Variants in PLEKHG6 observed in about 807,000 individuals in gnomAD.
PLEKHG6 encodes the protein pleckstrin homology domain-containing family G member 6.
Under a neutral mutation model 97.5 loss-of-function variants are expected in PLEKHG6, and 91 were observed. That is an observed-to-expected ratio of 0.93 (90% confidence interval 0.79 to 1.11). The LOEUF (loss-of-function observed/expected upper bound fraction) is 1.11, where lower values mean the gene tolerates loss of function less well. Ranked by LOEUF, PLEKHG6 falls within the 50% of genes most tolerant of loss-of-function variation. The probability of loss-of-function intolerance (pLI) is 0.00; values close to 1 mark genes in which losing one functional copy is unlikely to be tolerated. For synonymous variants in PLEKHG6, 466 were observed against 425.5 expected, an observed-to-expected ratio of 1.10 and a Z score of -1.17; for missense variants, 1,044 against 1,031.0, an observed-to-expected ratio of 1.01 and a Z score of -0.17.
At chr12:6,317,744 G>T (rs1281669952) in intron 9 of PLEKHG6, 48 bp downstream of exon 9, 2 of 1,600,998 alleles carry the variant, frequency 1.2e-6, no homozygotes, top group Non-Finnish European at 1.7e-6. Flanking sequence ...GGGACTGGGA[G>T]GGGGGTCTCT....
chr12:6,327,778 C>G lies in PLEKHG6; in HGVS notation c.2195C>G (p.Pro732Arg). The change falls in exon 15 of 16, where the codon CCA becomes CGA. Residue 732 changes from proline to arginine, a missense_variant. By Grantham distance (103) the Pro-to-Arg change is moderately radical. Transcript: ENST00000684764. ...AAAGCTGGCCACACATCCCTGCGCC[C>G]AATGCGGGCTGAGGACATGCTCAGA... is the stretch of plus-strand genomic sequence containing the variant. ...FLKAGHTSLR[P>R]MRAEDMLREI... is the part of the protein sequence containing the mutation. 6.5e-7 allele frequency: 1 copy of G among 1,530,352 alleles called. No individual in the cohort carries two copies. Among genetic ancestry groups the G allele is most frequent in the East Asian group, 2.3e-5 (1 of 44,220 alleles). The allele number at this position is 1,530,352 out of a possible 1,614,324, so 94.8% of individuals were successfully genotyped here.
chr12:6,317,691 G>A lies in PLEKHG6; in HGVS notation c.1012G>A (p.Ala338Thr). 1.2e-6 allele frequency: 2 copies of A among 1,613,294 alleles called. No individual in the cohort carries two copies. The highest frequency in any genetic ancestry group is 1.7e-6 in the Non-Finnish European group (2 of 1,179,930). Reference protein sequence around the residue: ...PEARAQEALNAMIEAVESFLR... With the variant: ...PEARAQEALNTMIEAVESFLR... ...GGCACGAGCCCAAGAGGCCCTGAAT[G>A]CCATGGTAGGTGCCCCAGTGGGGCT... The change falls in exon 9 of 16, where the codon GCC (alanine) becomes ACC (threonine). Residue 338 changes from alanine (A) to threonine (T), a missense_variant. Ala to Thr is a moderately conservative substitution (Grantham distance 58, BLOSUM62 0). Transcript: ENST00000684764.
Position 6,315,043 on chromosome 12 carries a change from C to G in PLEKHG6, c.333C>G (p.His111Gln). 6.2e-7 allele frequency: 1 copy of G among 1,613,958 alleles called. No individual in the cohort carries two copies. Among genetic ancestry groups the G allele is most frequent in the Non-Finnish European group, 8.5e-7 (1 of 1,180,032 alleles). The change falls in exon 4 of 16, where the codon CAC becomes CAG. Residue 111 changes from histidine (H) to glutamine (Q), a missense_variant. Coordinates refer to ENST00000684764, the MANE Select transcript of PLEKHG6 (RefSeq NM_001384598.1). This position sits in a 1 kb window ranked among gnomAD's most constrained non-coding sequence, Gnocchi z 4.5. ...TKAHELEVRL[H>Q]TFSMFGMPRL... The stretch of plus-strand genomic sequence containing the variant: ...CCCATGAGCTGGAGGTGAGGCTGCA[C>G]ACTTTCAGCATGTTTGGGATGCCCC...
chr12:6,314,113 T>C (rs1947366308), intron 3 of PLEKHG6, among the ~76,000 whole-genome samples: 1 of 152,200 alleles, frequency 6.6e-6, no homozygotes, highest in East Asian at 1.9e-4. Flanking sequence ...CATCCTTCAC[T>C]GCCACTGTGA....
chr12:6,318,756 C>T lies in PLEKHG6; in HGVS notation c.1287C>T (p.Tyr429=). 1.9e-6 allele frequency: 3 copies of T among 1,614,040 alleles called. No homozygotes were observed. Among genetic ancestry groups the T allele is most frequent in the Non-Finnish European group, 2.5e-6 (3 of 1,179,944 alleles). ...GCCCCCACCCCCAGCTGGACGTGTA[C>T]CTGTTCCTCTTCTCTGATGTGCTCC... ...KEGREGKLDV[Y]LFLFSDVLLV... is the part of the protein sequence containing the mutation. The change falls in exon 12 of 16, where the codon TAC becomes TAT. Residue 429 remains tyrosine (Y), a synonymous_variant. Coordinates refer to ENST00000684764, the MANE Select transcript of PLEKHG6 (RefSeq NM_001384598.1).
Position 6,317,423 on chromosome 12 carries a change from G to A in PLEKHG6, c.867+10G>A, listed in dbSNP as rs1251161982. The stretch of plus-strand genomic sequence containing the variant: ...CCATGCCTTCGTGCAGGTGGGAGAA[G>A]GGGTGCTGGGGAGGGGGACGGGTGC... On this transcript the variant is annotated intron_variant, in intron 8 of 15. Transcript: ENST00000684764. 1 of 1,611,468 alleles carries A rather than the reference G, an allele frequency of 6.2e-7. No individual in the cohort carries two copies. The highest frequency in any genetic ancestry group is 2.2e-5 in the East Asian group (1 of 44,892).
chr12:6,321,990 G>T (rs781101017), intron 13 of PLEKHG6, among the ~76,000 whole-genome samples: 1 of 151,872 alleles, frequency 6.6e-6, no homozygotes, highest in Non-Finnish European at 1.5e-5. Flanking sequence ...CTTCAATTTC[G>T]TCATCTGCAA....
At chr12:6,313,203 C>G (rs1947333626) in intron 2 of PLEKHG6, 1 of 1,547,164 alleles carries the variant, frequency 6.5e-7, no homozygotes, top group Admixed American at 2.0e-5. Flanking sequence ...GCCCTCGTCC[C>G]CATGTGTGAG....
intron 3 of PLEKHG6, among the ~76,000 whole-genome samples, chr12:6,314,134 T>C (rs1345127462): frequency 1.3e-5 from 2 of 152,138 alleles, no homozygotes; most frequent in African/African-American, 2.4e-5. Context: ...GCCTCACCTC[T>C]CCTCCCAAGC....
At chr12:6,322,655 A>C (rs1947739461) in intron 13 of PLEKHG6, among the ~76,000 whole-genome samples, 1 of 152,204 alleles carries the variant, frequency 6.6e-6, no homozygotes, top group Admixed American at 6.5e-5. Context: ...TGAGGCAGGC[A>C]GATGGCTTGA....
rs1268275346 is a variant in PLEKHG6, at chr12:6,317,749, G to T, written c.1017+53G>T. ...TGGTGAATCGGGGACTGGGAGGGGG[G>T]TCTCTTTCTTAGTGTGTCTGTGACA... is the stretch of plus-strand genomic sequence containing the variant. On this transcript the variant is annotated intron_variant, in intron 9 of 15. Coordinates refer to ENST00000684764, the MANE Select transcript of PLEKHG6 (RefSeq NM_001384598.1). 13 of 1,599,028 alleles carry T rather than the reference G, an allele frequency of 8.1e-6. No homozygotes were observed. The East Asian group carries it at 9.0e-5, about 11-fold the overall frequency.
In PLEKHG6 at chr12:6,316,418, A is replaced by G. The variant is rs773754534; in HGVS notation, c.756+14A>G. 7.0e-6 allele frequency: 11 copies of G among 1,562,718 alleles called. No homozygotes were observed. The Admixed American group carries it at 2.1e-4, about 30-fold the overall frequency. On this transcript the variant is annotated intron_variant, in intron 7 of 15. Transcript: ENST00000684764. The surrounding 1 kb of genome is among the most constrained non-coding windows in gnomAD (Gnocchi z 4.1). The stretch of plus-strand genomic sequence containing the variant: ...GGCTTCCTGACGGTGAGGCCTGTGA[A>G]GGGCTGTGTCTGGATGGGGCAGGAC...
chr12:6,319,171 A>T, intron 13 of PLEKHG6, 63 bp downstream of exon 13: 1 of 1,062,296 alleles, frequency 9.4e-7, no homozygotes, highest in Non-Finnish European at 1.4e-6. Context: ...AAATGGGAGC[A>T]CAGTGGTGGA....
chr12:6,316,116 C>A lies in PLEKHG6; in HGVS notation c.607-139C>A. The A allele has an allele frequency of 1.1e-6, 1 of 947,892 alleles. No homozygotes were observed. The highest frequency in any genetic ancestry group is 1.5e-6 in the Non-Finnish European group (1 of 646,560). 58.7% of individuals were successfully genotyped at this position (947,892 alleles called of 1,614,324 possible). A position where few individuals can be genotyped will look rare whatever the true frequency, so the allele number is the denominator to read the frequency against. On this transcript the variant is annotated intron_variant, in intron 6 of 15. Transcript: ENST00000684764. The surrounding 1 kb of genome is among the most constrained non-coding windows in gnomAD (Gnocchi z 4.1). ...TTTCTCAGACTGACATCCTTGAGAT[C>A]TTCCAGGCCCAGTGCCCAGTTCATC...
chr12:6,325,160 T>G (rs1418051096), intron 13 of PLEKHG6, among the ~76,000 whole-genome samples: 1 of 152,110 alleles, frequency 6.6e-6, no homozygotes, highest in African/African-American at 2.4e-5. Flanking sequence ...CTCTGCCACC[T>G]TCTCTTCCCT....
At chr12:6,322,220 G>GT (rs765866481) in intron 13 of PLEKHG6, among the ~76,000 whole-genome samples, 2 of 152,214 alleles carry the variant, frequency 1.3e-5, no homozygotes, top group Non-Finnish European at 2.9e-5. Flanking sequence ...AGGGAAATGT[G>GT]TTTGTTTAGT....
rs1178751683 is a variant in PLEKHG6 at position 6,316,943 on chromosome 12, A to G, written c.757-360A>G. On this transcript the variant is annotated intron_variant, in intron 7 of 15. Transcript: ENST00000684764. The surrounding 1 kb of genome is among the most constrained non-coding windows in gnomAD (Gnocchi z 4.1). ...GAGCAAGGCTTCTGAGCCAACTCTT[A>G]GGTCGCCACCCCACCCCCAGGGTGA... 2.6e-5 allele frequency among the ~76,000 whole-genome samples: 4 copies of G among 152,270 alleles called. No homozygotes were observed. The East Asian group carries it at 7.7e-4, about 29-fold the overall frequency.
intron 1 of PLEKHG6, 66 bp from the exon 2 acceptor site, chr12:6,312,093 G>T (rs1291920505): frequency 8.9e-6 from 6 of 675,152 alleles, no homozygotes; most frequent in Admixed American, 3.6e-5. Context: ...TACCAGCCTT[G>T]GTCTCCCGCC....
At position 6,326,524 on chromosome 12, in the gene PLEKHG6, A is replaced by AGGC. The variant is rs1947861607; in HGVS notation, c.1622_1624dup (p.Arg541dup). On this transcript the variant is annotated inframe_insertion, in exon 14 of 16. Coordinates refer to ENST00000684764, the MANE Select transcript of PLEKHG6 (RefSeq NM_001384598.1). Reference sequence around the variant, plus strand: ...CCAGGACAGGGAGTCCCCCAGCACCAGGCCCTCCACGCCTTCCCTGGAGGG... The same window carrying AGGC: ...CCAGGACAGGGAGTCCCCCAGCACCAGGCGGCCCTCCACGCCTTCCCTGGAGGG... The AGGC allele has an allele frequency of 3.8e-6, 6 of 1,593,542 alleles. No homozygotes were observed. In the East Asian group the frequency reaches 1.4e-4, roughly 36 times the overall value.
Sources: allele counts gnomAD v4.1 joint callset (sites outside exome capture counted in the v4.1 genomes callset), GRCh38; gene constraint gnomAD v4.1.1; non-coding constraint Gnocchi (gnomAD v3.1); transcripts MANE v1.5; gene names NCBI Gene and HGNC (gene_info 2026-07-23, HGNC 2026-07-21).